CEACAM5: variants seen among roughly 807,000 people sequenced by gnomAD.
The protein encoded by CEACAM5 is CEA cell adhesion molecule 5.
In CEACAM5, 52 loss-of-function variants were observed where a neutral mutation model predicts 63.0. That is an observed-to-expected ratio of 0.83 (90% CI 0.66 to 1.04). CEACAM5 has a LOEUF of 1.04. Among genes scored for constraint, CEACAM5 ranks in the 50% least tolerant of loss-of-function variants. The pLI, the probability that CEACAM5 is intolerant of heterozygous loss-of-function variation, is 0.00. For synonymous variants in CEACAM5, 357 were observed against 351.3 expected, an observed-to-expected ratio of 1.02 and a Z score of -0.18; for missense variants, 790 against 864.8, an observed-to-expected ratio of 0.91 and a Z score of 1.08.
chr19:41,720,177 C>T lies in CEACAM5; in HGVS notation c.1740C>T (p.Asn580=), dbSNP rs372929373. ...VCGIQNSVSA[N]RSDPVTLDVL... ...GAATCCAGAACTCAGTGAGTGCAAA[C>T]CGCAGTGACCCAGTCACCCTGGATG... The change falls in exon 7 of 10, where the codon AAC becomes AAT. Residue 580 remains asparagine (N), a synonymous_variant. Coordinates refer to ENST00000221992, the MANE Select transcript of CEACAM5 (RefSeq NM_004363.6). 3.1e-6 allele frequency: 5 copies of T among 1,614,246 alleles called. No homozygotes were observed. In the South Asian group the frequency reaches 5.5e-5, roughly 18 times the overall value.
At chr19:41,714,838 A>G in intron 2 of CEACAM5, 133 bp from the exon 3 acceptor site, 1 of 1,496,044 alleles carries the variant, frequency 6.7e-7, no homozygotes. Flanking sequence ...CTGTCTTGTG[A>G]CACATGCACC....
At chr19:41,722,034 T>C (rs1373063219) in intron 8 of CEACAM5, among the ~76,000 whole-genome samples, 1 of 152,132 alleles carries the variant, frequency 6.6e-6, no homozygotes, top group Admixed American at 6.5e-5. Flanking sequence ...TCAGCCACTA[T>C]ATATATCTAA....
At chr19:41,717,431 A>C in intron 4 of CEACAM5, 24 bp from the exon 5 acceptor site, 2 of 1,600,744 alleles carry the variant, frequency 1.2e-6, no homozygotes, top group Non-Finnish European at 1.7e-6. Context: ...ACACAGGGCA[A>C]TCTTCTCTCT....
At chr19:41,719,548 C>T (rs2072582811) in intron 6 of CEACAM5, among the ~76,000 whole-genome samples, 1 of 152,168 alleles carries the variant, frequency 6.6e-6, no homozygotes, top group Non-Finnish European at 1.5e-5. Flanking sequence ...GAAAACACCC[C>T]ACGGTTGGGT....
chr19:41,709,380 G>A (rs1250030559), intron 1 of CEACAM5, among the ~76,000 whole-genome samples: 1 of 152,208 alleles, frequency 6.6e-6, no homozygotes, highest in East Asian at 1.9e-4. Context: ...AGGTGTCAGG[G>A]AAGGGATCTC....
intron 2 of CEACAM5, among the ~76,000 whole-genome samples, chr19:41,713,133 C>A (rs191056708): frequency 6.6e-6 from 1 of 152,028 alleles, no homozygotes; most frequent in Non-Finnish European, 1.5e-5. Context: ...GGTGAAACCC[C>A]GTCTCTACTA....
intron 8 of CEACAM5, 128 bp downstream of exon 8, chr19:41,721,304 A>G: frequency 9.6e-7 from 1 of 1,037,460 alleles, no homozygotes; most frequent in East Asian, 2.4e-5. Flanking sequence ...CCCAAATTCT[A>G]TCCTGAGCCC....
intron 2 of CEACAM5, among the ~76,000 whole-genome samples, chr19:41,713,996 C>A (rs938023062): frequency 1.3e-5 from 2 of 152,144 alleles, no homozygotes; most frequent in Non-Finnish European, 2.9e-5. Flanking sequence ...GGGCAGAACA[C>A]CTGAGGTCAG....
At position 41,710,040 on chromosome 19, in the gene CEACAM5, G is replaced by A. The variant is rs377398784; in HGVS notation, c.424+1G>A. On this transcript the variant is annotated splice_donor_variant, in intron 2 of 9. Coordinates refer to ENST00000221992, the MANE Select transcript of CEACAM5 (RefSeq NM_004363.6). LOFTEE classifies it high-confidence loss of function. ...GCAACTGGCCAGTTCCGGGTATACC[G>A]TGAGTGATTCCCCCATGACCTCTGG... The A allele has an allele frequency of 8.2e-6, 13 of 1,593,304 alleles. No individual in the cohort carries two copies. The highest frequency in any genetic ancestry group is 2.2e-5 in the East Asian group (1 of 44,804).
intron 8 of CEACAM5, among the ~76,000 whole-genome samples, chr19:41,726,573 C>T (rs1255237596): frequency 6.6e-6 from 1 of 152,164 alleles, no homozygotes; most frequent in Non-Finnish European, 1.5e-5. Context: ...CGGGGGGAAC[C>T]ACCATGAGGA....
intron 9 of CEACAM5, 87 bp downstream of exon 9, chr19:41,727,439 T>A: frequency 1.4e-6 from 1 of 727,942 alleles, no homozygotes; most frequent in Non-Finnish European, 2.4e-6. Context: ...TTCACCTGTA[T>A]CTGGGACTGG....
rs782423973 is a variant in CEACAM5 at position 41,709,785 on chromosome 19, A to G, written c.170A>G (p.Asn57Ser). 4.3e-6 allele frequency: 7 copies of G among 1,614,002 alleles called. No homozygotes were observed. The highest frequency in any genetic ancestry group is 4.2e-6 in the Non-Finnish European group (5 of 1,180,034). ...AAGGAGGTGCTTCTACTTGTCCACA[A>G]TCTGCCCCAGCATCTTTTTGGCTAC... is the stretch of plus-strand genomic sequence containing the variant. ...EGKEVLLLVH[N>S]LPQHLFGYSW... Residue 57 changes from asparagine (N) to serine (S), a missense_variant, in exon 2 of 10, where the codon AAT (asparagine) becomes AGT (serine). Coordinates refer to ENST00000221992, the MANE Select transcript of CEACAM5 (RefSeq NM_004363.6).
chr19:41,727,922 C>T (rs778554470), intron 9 of CEACAM5, among the ~76,000 whole-genome samples: 4 of 152,208 alleles, frequency 2.6e-5, no homozygotes, highest in Non-Finnish European at 5.9e-5. Context: ...CTCTCCACCC[C>T]ACATGTACAC....
At chr19:41,715,280 C>T (rs1555814761) in intron 3 of CEACAM5, 31 bp downstream of exon 3, 1 of 1,614,148 alleles carries the variant, frequency 6.2e-7, no homozygotes, top group South Asian at 1.1e-5. Context: ...CTGGCCCAGG[C>T]TGCCAGCCCA....
chr19:41,709,156 C>T (rs2072390975), intron 1 of CEACAM5, among the ~76,000 whole-genome samples: 1 of 152,248 alleles, frequency 6.6e-6, no homozygotes, highest in Non-Finnish European at 1.5e-5. Context: ...CCTGGGAACC[C>T]TCATGAACTC....
rs367579474 is a variant in CEACAM5 at position 41,721,130 on chromosome 19, G to A, written c.1980G>A (p.Leu660=). 8.1e-6 allele frequency: 13 copies of A among 1,614,056 alleles called. No homozygotes were observed. The highest frequency in any genetic ancestry group is 1.1e-5 in the Non-Finnish European group (13 of 1,180,052). The change falls in exon 8 of 10, where the codon TTG becomes TTA. Residue 660 remains leucine, a synonymous_variant. Coordinates refer to ENST00000221992, the MANE Select transcript of CEACAM5 (RefSeq NM_004363.6). ...CCTATGCCTGTTTTGTCTCTAACTT[G>A]GCTACTGGCCGCAATAATTCCATAG... ...NGTYACFVSN[L]ATGRNNSIVK... is the part of the protein sequence containing the mutation.
At chr19:41,718,090 G>A (rs936160134) in intron 5 of CEACAM5, 38 bp from the exon 6 acceptor site, 47 of 1,609,812 alleles carry the variant, frequency 2.9e-5, no homozygotes, top group African/African-American at 4.0e-5. Flanking sequence ...CCTTTGCTCT[G>A]ATGACATTCA....
rs1555816192 is a variant in CEACAM5 at position 41,721,157 on chromosome 19, C to T, written c.2007C>T (p.Val669=). 6.2e-7 allele frequency: 1 copy of T among 1,614,226 alleles called. No individual in the cohort carries two copies. Among genetic ancestry groups the T allele is most frequent in the South Asian group, 1.1e-5 (1 of 91,084 alleles). The change falls in exon 8 of 10, where the codon GTC becomes GTT. Residue 669 remains valine (V), a synonymous_variant. Transcript: ENST00000221992. ...CTACTGGCCGCAATAATTCCATAGT[C>T]AAGAGCATCACAGTCTCTGGTAAGT... ...NLATGRNNSI[V]KSITVSASGT...
In CEACAM5 at chr19:41,709,775, C is replaced by T. The variant is rs1316165149; in HGVS notation, c.160C>T (p.Leu54Phe). ...CGCAGAGGGGAAGGAGGTGCTTCTA[C>T]TTGTCCACAATCTGCCCCAGCATCT... ...NVAEGKEVLL[L>F]VHNLPQHLFG... Residue 54 changes from leucine (L) to phenylalanine (F), a missense_variant, in exon 2 of 10, where the codon CTT (leucine) becomes TTT (phenylalanine). Coordinates refer to ENST00000221992, the MANE Select transcript of CEACAM5 (RefSeq NM_004363.6). 1.9e-6 allele frequency: 3 copies of T among 1,614,058 alleles called. No homozygotes were observed. The highest frequency in any genetic ancestry group is 1.3e-5 in the African/African-American group (1 of 74,926).
Sources: allele counts gnomAD v4.1 joint callset (sites outside exome capture counted in the v4.1 genomes callset), GRCh38; gene constraint gnomAD v4.1.1; transcripts MANE v1.5; gene names NCBI Gene and HGNC (gene_info 2026-07-23, HGNC 2026-07-21).